Variants in DNMT1 observed in about 807,000 individuals in gnomAD.
The protein encoded by DNMT1 is DNA (cytosine-5)-methyltransferase 1.
A neutral mutation model predicts 205.3 loss-of-function variants in DNMT1; 24 were observed. That is an observed-to-expected ratio of 0.12 (90% CI 0.08 to 0.16). DNMT1 has a LOEUF of 0.16. Among genes scored for constraint, DNMT1 ranks in the 10% least tolerant of loss-of-function variants. The pLI, the probability that DNMT1 is intolerant of heterozygous loss-of-function variation, is 1.00. For missense variants in DNMT1, 1,293 were observed against 2,177.7 expected (o/e 0.59, Z 8.09); for synonymous variants, 817 against 839.8 (o/e 0.97, Z 0.47).
rs1308134266 is a variant in DNMT1, at chr19:10,147,248, G to A, written c.2721-724C>T. Reference sequence around the variant, plus strand: ...CTGCATTCCAGCCTGGGTGACAGAGGGAGACCCTGTCTCAGATAAATAAAT... The same window carrying A: ...CTGCATTCCAGCCTGGGTGACAGAGAGAGACCCTGTCTCAGATAAATAAAT... On this transcript the variant is annotated intron_variant, in intron 27 of 40. Transcript: ENST00000359526. 3.3e-5 allele frequency among the ~76,000 whole-genome samples: 5 copies of A among 149,730 alleles called. No homozygotes were observed. In the Admixed American group the frequency reaches 3.4e-4, roughly 10 times the overall value.
At chr19:10,143,588 G>A (rs1159535273) in intron 29 of DNMT1, among the ~76,000 whole-genome samples, 178 bp downstream of exon 29, 5 of 152,024 alleles carry the variant, frequency 3.3e-5, no homozygotes, top group Admixed American at 1.3e-4. Context: ...AAAAGTGAGG[G>A]CTGGGAACTA....
intron 38 of DNMT1, 93 bp from the exon 39 acceptor site, chr19:10,135,945 G>C: frequency 6.7e-7 from 1 of 1,491,522 alleles, no homozygotes. Flanking sequence ...GACAGCATAC[G>C]GCCATGGCCT....
chr19:10,190,487 G>C (rs934930932), intron 1 of DNMT1, among the ~76,000 whole-genome samples: 1 of 152,142 alleles, frequency 6.6e-6, no homozygotes, highest in African/African-American at 2.4e-5. Flanking sequence ...AAAAGGCCAG[G>C]CACGGTGGCT....
At chr19:10,191,142 G>A (rs1009938728) in intron 1 of DNMT1, among the ~76,000 whole-genome samples, 3 of 151,258 alleles carry the variant, frequency 2.0e-5, no homozygotes, top group African/African-American at 4.9e-5. Context: ...TTAGCTGGGC[G>A]TGGTGGTGCA....
chr19:10,178,898 G>A (rs1339516350), intron 5 of DNMT1, among the ~76,000 whole-genome samples: 3 of 151,560 alleles, frequency 2.0e-5, no homozygotes, highest in Non-Finnish European at 2.9e-5. Context: ...AGGCCGAGGC[G>A]GGCGGATCAT....
At chr19:10,162,848 A>G (rs2038603546) in intron 12 of DNMT1, 100 bp from the exon 13 acceptor site, 2 of 1,313,560 alleles carry the variant, frequency 1.5e-6, no homozygotes, top group African/African-American at 2.9e-5. Context: ...CCCATGGGAA[A>G]GCAAGATACC....
In DNMT1 at chr19:10,182,030, G is replaced by A; in HGVS notation, c.117+11C>T. 1.2e-6 allele frequency: 2 copies of A among 1,611,326 alleles called. No individual in the cohort carries two copies. Among genetic ancestry groups the A allele is most frequent in the Non-Finnish European group, 8.5e-7 (1 of 1,178,122 alleles). The stretch of plus-strand genomic sequence containing the variant: ...ATTTGGTAATAAGAAAAATTTTAAG[G>A]TGGAGATTACCTTTTCTGTTAAGCT... On this transcript the variant is annotated intron_variant, in intron 2 of 40. Transcript: ENST00000359526.
chr19:10,175,676 C>T, intron 6 of DNMT1, 58 bp from the exon 7 acceptor site: 1 of 1,537,764 alleles, frequency 6.5e-7, no homozygotes, highest in Non-Finnish European at 9.0e-7. Context: ...CTCCAGCTGG[C>T]CTGAAGTGGA....
chr19:10,138,405 G>C lies in DNMT1; in HGVS notation c.4115+34C>G. 6.2e-7 allele frequency: 1 copy of C among 1,613,466 alleles called. No homozygotes were observed. Among genetic ancestry groups the C allele is most frequent in the Non-Finnish European group, 8.5e-7 (1 of 1,180,018 alleles). On this transcript the variant is annotated intron_variant, in intron 35 of 40. Coordinates refer to ENST00000359526, the MANE Select transcript of DNMT1 (RefSeq NM_001130823.3). This position sits in a 1 kb window ranked among gnomAD's most constrained non-coding sequence, Gnocchi z 4.1. ...CCCCATGAGCTACTGAGGCCTGCTC[G>C]GCAGTGTGTGGAGGAGCGACGGGGG...
At chr19:10,153,643 TA>T (rs35281765) in intron 22 of DNMT1, among the ~76,000 whole-genome samples, 21,553 of 119,174 alleles carry the variant, frequency 0.18, 1,926 homozygotes, top group East Asian at 0.46. Flanking sequence ...TCAAAAAAAT[TA>T]AAAAAAAAAA....
rs773200618 is a variant in DNMT1 at position 10,163,346 on chromosome 19, G to A, written c.906C>T (p.His302=). The A allele has an allele frequency of 1.9e-6, 3 of 1,613,880 alleles. No homozygotes were observed. Among genetic ancestry groups the A allele is most frequent in the Admixed American group, 1.7e-5 (1 of 59,976 alleles). ...CTTACAGATCTTTGGGTTGACTTCT[G>A]TGCTTCTTCTCATCCTGACAGAAAA... The part of the protein sequence containing the change: ...EDGDEKDEKK[H]RSQPKDLAAK... The change falls in exon 12 of 41, where the codon CAC becomes CAT. Residue 302 remains histidine, a synonymous_variant. Transcript: ENST00000359526.
At chr19:10,185,474 C>A (rs984930589) in intron 1 of DNMT1, among the ~76,000 whole-genome samples, 1 of 150,408 alleles carries the variant, frequency 6.6e-6, no homozygotes, top group Admixed American at 6.6e-5. Flanking sequence ...TAGCACCCTA[C>A]AAACACAGTG....
chr19:10,151,319 T>C lies in DNMT1; in HGVS notation c.2265+79A>G. ...GCCGGGGCTCAGGCTGCCTGAGAGG[T>C]CAGGTTGGCGAGATACTAGAGGGCA... On this transcript the variant is annotated intron_variant, in intron 24 of 40. Coordinates refer to ENST00000359526, the MANE Select transcript of DNMT1 (RefSeq NM_001130823.3). The surrounding 1 kb of genome is among the most constrained non-coding windows in gnomAD (Gnocchi z 5.0). 4 of 1,592,360 alleles carry C rather than the reference T, an allele frequency of 2.5e-6. No individual in the cohort carries two copies. The highest frequency in any genetic ancestry group is 3.4e-6 in the Non-Finnish European group (4 of 1,174,082).
chr19:10,149,794 G>T, intron 25 of DNMT1, 59 bp downstream of exon 25: 1 of 1,605,526 alleles, frequency 6.2e-7, no homozygotes, highest in Admixed American at 1.7e-5. Flanking sequence ...GGCAAAACAG[G>T]CATCTCCTAC....
At chr19:10,135,614 T>C in intron 39 of DNMT1, 122 bp downstream of exon 39, 1 of 1,030,050 alleles carries the variant, frequency 9.7e-7, no homozygotes, top group Non-Finnish European at 1.5e-6. Flanking sequence ...CTGAGAGTGA[T>C]GGGGCTACCC....
At chr19:10,152,545 A>C (rs1166659660) in intron 22 of DNMT1, among the ~76,000 whole-genome samples, 1 of 152,108 alleles carries the variant, frequency 6.6e-6, no homozygotes, top group African/African-American at 2.4e-5. Flanking sequence ...GGACTGCTTG[A>C]GTTCAGGCAT....
chr19:10,188,190 G>A (rs2039231778), intron 1 of DNMT1, among the ~76,000 whole-genome samples: 1 of 152,068 alleles, frequency 6.6e-6, no homozygotes, highest in African/African-American at 2.4e-5. Context: ...AGCTTCTTCA[G>A]GCCGGCTGCA....
At chr19:10,152,764 A>T (rs1187124275) in intron 22 of DNMT1, among the ~76,000 whole-genome samples, 1 of 151,522 alleles carries the variant, frequency 6.6e-6, no homozygotes, top group African/African-American at 2.4e-5. Flanking sequence ...CATCTCAACA[A>T]CAACAACAAC....
chr19:10,155,997 C>G, intron 18 of DNMT1, 52 bp from the exon 19 acceptor site: 1 of 1,580,368 alleles, frequency 6.3e-7, no homozygotes, highest in Non-Finnish European at 8.6e-7. Flanking sequence ...ATCCCAAACC[C>G]AGGAGGCGCT....
Sources: allele counts gnomAD v4.1 joint callset (sites outside exome capture counted in the v4.1 genomes callset), GRCh38; gene constraint gnomAD v4.1.1; non-coding constraint Gnocchi (gnomAD v3.1); transcripts MANE v1.5; gene names NCBI Gene and HGNC (gene_info 2026-07-23, HGNC 2026-07-21).